Variants in TMEM63B observed in about 807,000 individuals in gnomAD.
The protein encoded by TMEM63B is transmembrane protein 63B.
Under a neutral mutation model 102.6 loss-of-function variants are expected in TMEM63B, and 23 were observed. The observed-to-expected ratio is 0.22, with a 90% CI of 0.16 to 0.32. TMEM63B has a LOEUF of 0.32. Among genes scored for constraint, TMEM63B ranks in the 10% least tolerant of loss-of-function variants. The pLI is 1.00. For synonymous variants in TMEM63B, 444 were observed against 437.0 expected (o/e 1.02, Z -0.20); for missense variants, 628 against 1,095.9 (o/e 0.57, Z 6.03).
rs1767717492 is a variant in TMEM63B, at chr6:44,154,877, C to T, written c.2493C>T (p.His831=). 1 of 1,558,602 alleles carries T rather than the reference C, an allele frequency of 6.4e-7. No individual in the cohort carries two copies. Among genetic ancestry groups the T allele is most frequent in the African/African-American group, 1.4e-5 (1 of 73,068 alleles). ...ACAGCCTCATAGAGAATGAGATTCA[C>T]CAGTAAGGGGAGGGAGGGGCCCTGG... ...CEDSLIENEI[H]Q Residue 831 remains histidine (H), a synonymous_variant, in exon 24 of 24, where the codon CAC becomes CAT. Transcript: ENST00000323267.
At chr6:44,145,602 C>CAAAACA (rs200296928) in intron 10 of TMEM63B, among the ~76,000 whole-genome samples, 4 of 151,008 alleles carry the variant, frequency 2.6e-5, no homozygotes, top group South Asian at 4.2e-4. Context: ...AAAAACAAAA[C>CAAAACA]AAAACAAAAA....
At chr6:44,151,654 T>C (rs1440486041) in intron 18 of TMEM63B, among the ~76,000 whole-genome samples, 192 bp from the exon 19 acceptor site, 1 of 152,136 alleles carries the variant, frequency 6.6e-6, no homozygotes, top group Non-Finnish European at 1.5e-5. Context: ...CACAAGTTCT[T>C]GGAGCTGTCT....
intron 10 of TMEM63B, among the ~76,000 whole-genome samples, chr6:44,143,479 C>T (rs1764708979): frequency 6.6e-6 from 1 of 151,970 alleles, no homozygotes; most frequent in African/African-American, 2.4e-5. Context: ...TTTTCTCATA[C>T]CATCTTTTGT....
intron 9 of TMEM63B, chr6:44,140,605 C>G: frequency 1.6e-6 from 1 of 615,532 alleles, no homozygotes; most frequent in Non-Finnish European, 3.0e-6. Context: ...CGTGCTGTGC[C>G]CAGCACTTGG....
intron 6 of TMEM63B, chr6:44,138,731 T>G (rs1763520214): frequency 1.3e-4 from 36 of 279,078 alleles, no homozygotes; most frequent in East Asian, 2.4e-4. Context: ...TGTGACCCCC[T>G]GCCGGCCCCC....
At chr6:44,136,144 C>G (rs73733837) in intron 4 of TMEM63B, among the ~76,000 whole-genome samples, 1,803 of 152,330 alleles carry the variant, frequency 0.012, 39 homozygotes, top group African/African-American at 0.041. Context: ...GTGCCCACCT[C>G]CGCTCCCACC....
rs1374268819 is a variant in TMEM63B, at chr6:44,147,264, G to A, written c.864-113G>A. 19 of 1,544,768 alleles carry A rather than the reference G, an allele frequency of 1.2e-5. No individual in the cohort carries two copies. The Admixed American group carries it at 3.0e-4, about 24-fold the overall frequency. On this transcript the variant is annotated intron_variant, in intron 11 of 23. Coordinates refer to ENST00000323267, the MANE Select transcript of TMEM63B (RefSeq NM_018426.3). The stretch of plus-strand genomic sequence containing the variant: ...TGGGATGTGGCCACATCTGAAACAT[G>A]TATCCTAAACAAGAACAAGACAGCT...
chr6:44,138,742 C>T (rs1317006067), intron 6 of TMEM63B: 1 of 406,270 alleles, frequency 2.5e-6, no homozygotes, highest in African/African-American at 2.1e-5. Flanking sequence ...GCCGGCCCCC[C>T]CGCTTCTCTC....
chr6:44,148,670 G>A lies in TMEM63B; in HGVS notation c.1259+20G>A, dbSNP rs776273491. ...CTACTGGTGAGCAAACAGGTGTCAG[G>A]GCAGGCTTTCCAGGGCCTGGGATGG... On this transcript the variant is annotated intron_variant, in intron 14 of 23. Coordinates refer to ENST00000323267, the MANE Select transcript of TMEM63B (RefSeq NM_018426.3). The surrounding 1 kb of genome is among the most constrained non-coding windows in gnomAD (Gnocchi z 5.1). The A allele has an allele frequency of 6.2e-7, 1 of 1,613,020 alleles. No individual in the cohort carries two copies.
chr6:44,154,738 G>T lies in TMEM63B; in HGVS notation c.2354G>T (p.Gly785Val). The T allele has an allele frequency of 6.3e-7, 1 of 1,588,554 alleles. No individual in the cohort carries two copies. The highest frequency in any genetic ancestry group is 8.5e-7 in the Non-Finnish European group (1 of 1,169,858). Residue 785 changes from glycine to valine, a missense_variant, in exon 24 of 24, where the codon GGG (glycine) becomes GTG (valine). Gly to Val is a moderately radical substitution (Grantham distance 109). Coordinates refer to ENST00000323267, the MANE Select transcript of TMEM63B (RefSeq NM_018426.3). ...VLQDSEVDGDGDGAPGSSGDE... is the reference protein window; with the variant it reads ...VLQDSEVDGDVDGAPGSSGDE... ...CAGGACTCAGAGGTGGACGGGGATG[G>T]GGATGGGGCTCCTGGGAGCTCAGGG...
At chr6:44,147,976 A>G (rs1765770943) in intron 12 of TMEM63B, among the ~76,000 whole-genome samples, 1 of 152,232 alleles carries the variant, frequency 6.6e-6, no homozygotes, top group African/African-American at 2.4e-5. Context: ...TACAAAAATT[A>G]GCCAGGCATG....
intron 10 of TMEM63B, among the ~76,000 whole-genome samples, chr6:44,143,062 G>T (rs754600157): frequency 1.6e-4 from 25 of 152,198 alleles, no homozygotes; most frequent in Non-Finnish European, 2.9e-4. Flanking sequence ...AGACCTGTCA[G>T]TTGGCCAGAA....
In TMEM63B at chr6:44,154,374, A is replaced by G. The variant is rs1767551633; in HGVS notation, c.2236A>G (p.Thr746Ala). 1 of 1,613,818 alleles carries G rather than the reference A, an allele frequency of 6.2e-7. No individual in the cohort carries two copies. The highest frequency in any genetic ancestry group is 1.3e-5 in the African/African-American group (1 of 74,882). ...TTCTGGGCCCCTCAAGATTGAGCAC[A>G]CGGAGACAGATACTGTGGACCCCAG... is the stretch of plus-strand genomic sequence containing the variant. Reference protein sequence around the residue: ...LSAHNYKIEHTETDTVDPRSN... With the variant: ...LSAHNYKIEHAETDTVDPRSN... The change falls in exon 23 of 24, where the codon ACG (threonine) becomes GCG (alanine). Residue 746 changes from threonine (T) to alanine (A), a missense_variant. Coordinates refer to ENST00000323267, the MANE Select transcript of TMEM63B (RefSeq NM_018426.3).
At position 44,152,273 on chromosome 6, in the gene TMEM63B, G is replaced by A. The variant is rs745550284; in HGVS notation, c.1836+265G>A. 3.0e-4 allele frequency among the ~76,000 whole-genome samples: 45 copies of A among 152,118 alleles called. No homozygotes were observed. Among genetic ancestry groups the A allele is most frequent in the Admixed American group, 5.9e-4 (9 of 15,294 alleles). ...AGTTGGGGAGATCTGGGTCCCTAGCGCTAGGGTCCCTCTGTCTTAATAAGA... is the reference window on the plus strand; with the variant it reads ...AGTTGGGGAGATCTGGGTCCCTAGCACTAGGGTCCCTCTGTCTTAATAAGA... On this transcript the variant is annotated intron_variant, in intron 19 of 23. Transcript: ENST00000323267. This position sits in a 1 kb window ranked among gnomAD's most constrained non-coding sequence, Gnocchi z 6.4.
At position 44,148,345 on chromosome 6, in the gene TMEM63B, A is replaced by T. The variant is rs775474178; in HGVS notation, c.1081A>T (p.Met361Leu). The change falls in exon 13 of 24, where the codon ATG (methionine) becomes TTG (leucine). Residue 361 changes from methionine to leucine, a missense_variant. Physicochemically the swap from Met to Leu is conservative, Grantham distance 15. Coordinates refer to ENST00000323267, the MANE Select transcript of TMEM63B (RefSeq NM_018426.3). This position sits in a 1 kb window ranked among gnomAD's most constrained non-coding sequence, Gnocchi z 5.1. ...GAAGGTGAATGAGAAGCCTCTTGGC[A>T]TGGCCTTTGTCACCTTCCACAATGA... ...KEKVNEKPLG[M>L]AFVTFHNETI... The T allele has an allele frequency of 6.2e-7, 1 of 1,614,252 alleles. No individual in the cohort carries two copies. Among genetic ancestry groups the T allele is most frequent in the Non-Finnish European group, 8.5e-7 (1 of 1,180,042 alleles).
intron 5 of TMEM63B, 29 bp downstream of exon 5, chr6:44,136,468 TCCCCCA>T (rs770752853): frequency 6.8e-7 from 1 of 1,469,328 alleles, no homozygotes; most frequent in South Asian, 1.2e-5. Flanking sequence ...AACTTCTTAG[TCCCCCA>T]CCCCACCCCC....
At chr6:44,138,741 C>CCCCCCCCCT in intron 6 of TMEM63B, 1 of 406,654 alleles carries the variant, frequency 2.5e-6, no homozygotes, top group Admixed American at 3.6e-5. Context: ...TGCCGGCCCC[C>CCCCCCCCCT]CCGCTTCTCT....
intron 5 of TMEM63B, 102 bp from the exon 6 acceptor site, chr6:44,138,378 C>T: frequency 6.9e-7 from 1 of 1,447,358 alleles, no homozygotes; most frequent in African/African-American, 1.4e-5. Context: ...GGTGTGGAAG[C>T]TATGCCTGGA....
chr6:44,155,156 T>G lies in TMEM63B; in HGVS notation c.*273T>G. 1.1e-5 allele frequency: 3 copies of G among 261,122 alleles called. No homozygotes were observed. The highest frequency in any genetic ancestry group is 7.2e-5 in the East Asian group (1 of 13,848). 16.2% of individuals were successfully genotyped at this position (261,122 alleles called of 1,614,324 possible). A position where few individuals can be genotyped will look rare whatever the true frequency, so the allele number is the denominator to read the frequency against. The stretch of plus-strand genomic sequence containing the variant: ...TCAGTACCCCCCACCCCTCCCCAGC[T>G]AGTAGCATGACCAGGAGAGGGTTAA... On this transcript the variant is annotated 3_prime_UTR_variant, in exon 24 of 24. Transcript: ENST00000323267.
Sources: gnomAD v4.1 joint callset for allele counts (sites outside exome capture counted in the v4.1 genomes callset) on GRCh38, gnomAD v4.1.1 for gene constraint, Gnocchi (gnomAD v3.1) non-coding constraint, MANE v1.5 for transcripts, NCBI Gene and HGNC (gene_info 2026-07-23, HGNC 2026-07-21) for gene names.